The following PDE4D variants were observed in gnomAD, a reference collection of about 807,000 sequenced individuals.
PDE4D encodes phosphodiesterase 4D.
Under a neutral mutation model 87.4 loss-of-function variants are expected in PDE4D, and 24 were observed. That is an observed-to-expected ratio of 0.27 (90% CI 0.20 to 0.39). The LOEUF is 0.39. Among genes scored for constraint, PDE4D ranks in the 10% least tolerant of loss-of-function variants. PDE4D has a pLI of 1.00. For synonymous variants in PDE4D, 384 were observed against 383.2 expected (o/e 1.00, Z -0.02); for missense variants, 714 against 1,041.0 (o/e 0.69, Z 4.32).
intron 1 of PDE4D, among the ~76,000 whole-genome samples, chr5:59,785,599 A>G (rs1293382667): frequency 1.3e-5 from 2 of 152,214 alleles, no homozygotes; most frequent in East Asian, 3.9e-4. Flanking sequence ...AGAGGATGCT[A>G]TGTACATGAT....
intron 1 of PDE4D, among the ~76,000 whole-genome samples, chr5:59,371,514 T>C (rs1008309292): frequency 5.9e-5 from 9 of 152,162 alleles, no homozygotes; most frequent in African/African-American, 1.4e-4. Context: ...TGAAGACTAC[T>C]GTATCATCAA....
At chr5:59,017,290 CA>C (rs1351113686) in intron 6 of PDE4D, among the ~76,000 whole-genome samples, 1 of 152,058 alleles carries the variant, frequency 6.6e-6, no homozygotes, top group Non-Finnish European at 1.5e-5. Context: ...GTGCTTGAGG[CA>C]AAACTGACAA....
intron 1 of PDE4D, among the ~76,000 whole-genome samples, chr5:59,635,521 C>T (rs1294833267): frequency 6.6e-6 from 1 of 152,182 alleles, no homozygotes; most frequent in African/African-American, 2.4e-5. Context: ...TCCAGCAACG[C>T]ATTAAAAAGC....
chr5:60,515,240 C>T lies in PDE4D; in HGVS notation n.70+6811G>A, dbSNP rs143679291. On this transcript the variant is annotated intron_variant and non_coding_transcript_variant, in intron 1 of 2. Coordinates refer to the PDE4D transcript ENST00000506510. ...CTTTTACTTTAGGGCTATATTGCCT[C>T]TTCTTGGCTACTTGCATTTCCATAT... 1.2e-3 allele frequency among the ~76,000 whole-genome samples: 181 copies of T among 152,194 alleles called. 2 individuals are homozygous for T. Among genetic ancestry groups the T allele is most frequent in the Middle Eastern group, 0.01 (3 of 294 alleles).
chr5:60,351,862 GTGGCA>G (rs1388763306), intron 1 of PDE4D, among the ~76,000 whole-genome samples: 1 of 151,234 alleles, frequency 6.6e-6, no homozygotes, highest in Non-Finnish European at 1.5e-5. Context: ...CTAGAGTGCA[GTGGCA>G]TGATCACAGC....
intron 2 of PDE4D, among the ~76,000 whole-genome samples, chr5:60,014,627 A>C (rs1420422516): frequency 6.6e-6 from 1 of 152,214 alleles, no homozygotes; most frequent in Non-Finnish European, 1.5e-5. Flanking sequence ...AGTCTAAAGA[A>C]GAAAAGTGTC....
chr5:60,088,418 G>A (rs1774763477), intron 2 of PDE4D, among the ~76,000 whole-genome samples: 1 of 151,928 alleles, frequency 6.6e-6, no homozygotes, highest in Admixed American at 6.6e-5. Context: ...TATATCCTAA[G>A]TATGAAAGCT....
At chr5:59,980,166 C>G (rs1014895355) in intron 3 of PDE4D, among the ~76,000 whole-genome samples, 10 of 152,060 alleles carry the variant, frequency 6.6e-5, no homozygotes, top group African/African-American at 2.2e-4. Flanking sequence ...AATAAAAAGG[C>G]TTTTAAAGAA....
chr5:59,923,680 C>T (rs1001757130), intron 3 of PDE4D, among the ~76,000 whole-genome samples: 4 of 152,360 alleles, frequency 2.6e-5, no homozygotes, highest in African/African-American at 9.6e-5. Flanking sequence ...CCCCCTAATG[C>T]AGACATAGCT....
At chr5:59,756,535 C>CACACACACAG (rs1355152924) in intron 1 of PDE4D, among the ~76,000 whole-genome samples, 19 of 149,972 alleles carry the variant, frequency 1.3e-4, no homozygotes, top group African/African-American at 4.5e-4. Context: ...CACACACACA[C>CACACACACAG]AGAGACACAC....
At chr5:60,071,418 CTT>C (rs1257473315) in intron 2 of PDE4D, among the ~76,000 whole-genome samples, 30 of 152,096 alleles carry the variant, frequency 2.0e-4, no homozygotes, top group Non-Finnish European at 2.4e-4. Flanking sequence ...TAAATTAAGA[CTT>C]AATTTGCCTT....
At chr5:59,941,581 G>A (rs993207451) in intron 3 of PDE4D, among the ~76,000 whole-genome samples, 7 of 152,154 alleles carry the variant, frequency 4.6e-5, no homozygotes, top group Non-Finnish European at 1.0e-4. Context: ...TGCCCTTTGG[G>A]AAGAGATTAA....
chr5:59,776,035 T>C (rs1364378476), intron 1 of PDE4D, among the ~76,000 whole-genome samples: 1 of 152,192 alleles, frequency 6.6e-6, no homozygotes, highest in Non-Finnish European at 1.5e-5. Context: ...ATTTTAATTA[T>C]AGTTGGAAAT....
intron 1 of PDE4D, among the ~76,000 whole-genome samples, chr5:60,496,814 T>G (rs1749834184): frequency 6.6e-6 from 1 of 152,200 alleles, no homozygotes; most frequent in African/African-American, 2.4e-5. Flanking sequence ...ATTCTAACTG[T>G]TCAGATTTAA....
intron 5 of PDE4D, among the ~76,000 whole-genome samples, chr5:59,071,904 G>T (rs1352397905): frequency 2.0e-5 from 3 of 151,798 alleles, no homozygotes; most frequent in Non-Finnish European, 4.4e-5. Flanking sequence ...GGCCAGGCTG[G>T]TCTCGAACTC....
intron 1 of PDE4D, among the ~76,000 whole-genome samples, chr5:59,710,596 A>C (rs1754066746): frequency 6.6e-6 from 1 of 150,614 alleles, no homozygotes; most frequent in South Asian, 2.1e-4. Context: ...TAAAAATAAA[A>C]TAGTAAGAAA....
chr5:59,869,089 A>G (rs1335117297), intron 1 of PDE4D, among the ~76,000 whole-genome samples: 1 of 152,214 alleles, frequency 6.6e-6, no homozygotes, highest in Non-Finnish European at 1.5e-5. Context: ...GAGTGGTCAG[A>G]AAAACAAGCC....
At chr5:59,523,373 A>G (rs1325468661) in intron 1 of PDE4D, among the ~76,000 whole-genome samples, 4 of 152,152 alleles carry the variant, frequency 2.6e-5, no homozygotes, top group Non-Finnish European at 5.9e-5. Context: ...CGCAAACTAA[A>G]CTCTAAATTG....
At chr5:59,143,938 C>T (rs1020114587) in intron 5 of PDE4D, among the ~76,000 whole-genome samples, 5 of 152,128 alleles carry the variant, frequency 3.3e-5, no homozygotes, top group South Asian at 2.1e-4. Context: ...CTGCTTGTCA[C>T]GATGTGCAAT....
Sources: allele counts gnomAD v4.1 joint callset (sites outside exome capture counted in the v4.1 genomes callset), GRCh38; gene constraint gnomAD v4.1.1; transcripts MANE v1.5; gene names NCBI Gene and HGNC (gene_info 2026-07-23, HGNC 2026-07-21).